The following CNNM2 variants were observed in gnomAD, a reference collection of about 807,000 sequenced individuals.
CNNM2 encodes the protein metal transporter CNNM2.
Under a neutral mutation model 66.9 loss-of-function variants are expected in CNNM2, and 12 were observed. That is an observed-to-expected ratio of 0.18 (90% CI 0.11 to 0.29). CNNM2 has a LOEUF of 0.29. Ranked by LOEUF, CNNM2 falls within the 10% of genes least tolerant of loss-of-function variation. CNNM2 has a pLI of 1.00. For missense variants in CNNM2, 705 were observed against 1,167.7 expected, an observed-to-expected ratio of 0.60 and a Z score of 5.77; for synonymous variants, 557 against 501.8, an observed-to-expected ratio of 1.11 and a Z score of -1.47.
intron 1 of CNNM2, among the ~76,000 whole-genome samples, chr10:102,968,489 C>T (rs2063499647): frequency 6.6e-6 from 1 of 152,164 alleles, no homozygotes; most frequent in South Asian, 2.1e-4. Flanking sequence ...TTGTGATCTG[C>T]CCGCCTTGGC....
At chr10:103,033,373 G>C (rs1474986948) in intron 1 of CNNM2, among the ~76,000 whole-genome samples, 1 of 151,894 alleles carries the variant, frequency 6.6e-6, no homozygotes, top group Non-Finnish European at 1.5e-5. Context: ...GTATTTTTTA[G>C]TAGAGACGGG....
At chr10:102,961,813 C>T (rs1226266629) in intron 1 of CNNM2, among the ~76,000 whole-genome samples, 2 of 151,904 alleles carry the variant, frequency 1.3e-5, no homozygotes, top group South Asian at 4.1e-4. Flanking sequence ...GTAATCCCAG[C>T]AGTTTGAGAG....
intron 1 of CNNM2, among the ~76,000 whole-genome samples, chr10:102,950,064 A>AC (rs1327841960): frequency 1.3e-5 from 2 of 152,242 alleles, no homozygotes; most frequent in African/African-American, 4.8e-5. Flanking sequence ...TTCCAGCATG[A>AC]CAGCTCCTGT....
intron 1 of CNNM2, among the ~76,000 whole-genome samples, chr10:103,026,570 T>C (rs933856432): frequency 1.5e-5 from 2 of 130,560 alleles, no homozygotes; most frequent in African/African-American, 6.0e-5. Context: ...CACTGCACTC[T>C]AGCCTTAGGG....
intron 1 of CNNM2, among the ~76,000 whole-genome samples, chr10:103,026,601 CAAAAAAAAAAAAAA>C (rs887780071): frequency 7.7e-5 from 5 of 64,918 alleles, no homozygotes; most frequent in East Asian, 9.3e-4. Flanking sequence ...ACCTTGTCTT[CAAAAAAAAAAAAAA>C]AAAAAAAAAA....
At position 102,949,403 on chromosome 10, in the gene CNNM2, G is replaced by A. The variant is rs71496552; in HGVS notation, c.1621+29302G>A. Among the ~76,000 whole-genome samples the A allele has an allele frequency of 0.11, 15,963 of 149,756 alleles. 1,093 individuals carry two copies. Among genetic ancestry groups the A allele is most frequent in the East Asian group, 0.15 (705 of 4,720 alleles). ...TTGGTCAGGCTGATCTTGAACTCCC[G>A]ACCTCAGGTAATCCGCCTGCCTCAG... On this transcript the variant is annotated intron_variant, in intron 1 of 7. Transcript: ENST00000369878.
intron 1 of CNNM2, among the ~76,000 whole-genome samples, chr10:102,989,870 C>T (rs558664188): frequency 6.6e-6 from 1 of 151,780 alleles, no homozygotes; most frequent in Admixed American, 6.6e-5. Context: ...GCTTCTAGTT[C>T]TTTAAAGATG....
chr10:103,066,062 C>T (rs749880265), intron 4 of CNNM2, among the ~76,000 whole-genome samples: 3 of 152,168 alleles, frequency 2.0e-5, no homozygotes, highest in Admixed American at 6.5e-5. Context: ...CAGCCCCCAG[C>T]GGCCTGTGGT....
intron 1 of CNNM2, among the ~76,000 whole-genome samples, chr10:102,950,896 C>T (rs372585235): frequency 1.3e-5 from 2 of 151,216 alleles, no homozygotes; most frequent in East Asian, 1.9e-4. Context: ...ATATCTCTAT[C>T]TTTAAGTGAG....
intron 1 of CNNM2, among the ~76,000 whole-genome samples, chr10:102,938,887 C>T (rs1846334605): frequency 6.6e-6 from 1 of 151,966 alleles, no homozygotes; most frequent in Non-Finnish European, 1.5e-5. Flanking sequence ...TAATGCTTTC[C>T]TCTGAAATAT....
intron 1 of CNNM2, among the ~76,000 whole-genome samples, chr10:102,993,698 C>T (rs981328232): frequency 2.6e-5 from 4 of 152,052 alleles, no homozygotes; most frequent in Non-Finnish European, 4.4e-5. Flanking sequence ...AATTTCTTGA[C>T]TTAAAGGTTT....
At chr10:103,017,768 C>T (rs1193089918) in intron 1 of CNNM2, among the ~76,000 whole-genome samples, 3 of 151,822 alleles carry the variant, frequency 2.0e-5, no homozygotes, top group African/African-American at 7.3e-5. Flanking sequence ...GAATTCAAGA[C>T]CAACCTGGCC....
At chr10:103,072,471 C>A (rs1276716585) in intron 6 of CNNM2, among the ~76,000 whole-genome samples, 3 of 149,390 alleles carry the variant, frequency 2.0e-5, no homozygotes, top group Non-Finnish European at 4.4e-5. Flanking sequence ...AGGCAGGCGA[C>A]CCCGCTTCTC....
At chr10:102,927,458 G>A in intron 1 of CNNM2, 2 of 1,606,120 alleles carry the variant, frequency 1.2e-6, no homozygotes, top group Non-Finnish European at 8.5e-7. Flanking sequence ...TATACAGAGG[G>A]ATAAAAAGGG....
At position 103,054,310 on chromosome 10, in the gene CNNM2, CTTT is replaced by C. The variant is rs1564863194; in HGVS notation, c.1766-17_1766-15del. On this transcript the variant is annotated splice_polypyrimidine_tract_variant and intron_variant, in intron 2 of 7. Coordinates refer to ENST00000369878, the MANE Select transcript of CNNM2 (RefSeq NM_017649.5). This position sits in a 1 kb window ranked among gnomAD's most constrained non-coding sequence, Gnocchi z 5.2. ...GGGATGCATTTCTTTTTTTTTCTCT[CTTT>C]TAATTCCTCCCTTAGCTGACAACAG... The C allele has an allele frequency of 6.2e-6, 10 of 1,605,990 alleles. No homozygotes were observed. The highest frequency in any genetic ancestry group is 1.1e-5 in the South Asian group (1 of 89,670).
chr10:103,001,664 C>T (rs913350753), intron 1 of CNNM2, among the ~76,000 whole-genome samples: 9 of 152,062 alleles, frequency 5.9e-5, no homozygotes, highest in African/African-American at 2.2e-4. Flanking sequence ...ATATCCTACA[C>T]AAAAATGAAC....
chr10:102,981,128 G>A (rs917721064), intron 1 of CNNM2, among the ~76,000 whole-genome samples: 1 of 151,936 alleles, frequency 6.6e-6, no homozygotes, highest in African/African-American at 2.4e-5. Flanking sequence ...ACAGGTGATC[G>A]CTTGAGTCCA....
In CNNM2 at chr10:103,034,987, A is replaced by AAAAT. The variant is rs542426899; in HGVS notation, c.1622-14719_1622-14716dup. Among the ~76,000 whole-genome samples, 10,377 of 147,658 alleles carry AAAAT rather than the reference A, an allele frequency of 0.07. 881 individuals carry two copies. Among genetic ancestry groups the AAAAT allele is most frequent in the East Asian group, 0.26 (1,276 of 4,886 alleles). ...GACTCCGTCTCAAAAAAAAAAAAAA[A>AAAAT]AAATCTCCTACTATTGGCTGGGCAT... On this transcript the variant is annotated intron_variant, in intron 1 of 7. Transcript: ENST00000369878.
intron 1 of CNNM2, among the ~76,000 whole-genome samples, chr10:102,965,951 C>T (rs1375731164): frequency 6.6e-6 from 1 of 152,086 alleles, no homozygotes; most frequent in Non-Finnish European, 1.5e-5. Context: ...GGGTCTTTGT[C>T]ACAGCTGAGT....
Sources: allele counts gnomAD v4.1 joint callset (sites outside exome capture counted in the v4.1 genomes callset), GRCh38; gene constraint gnomAD v4.1.1; non-coding constraint Gnocchi (gnomAD v3.1); transcripts MANE v1.5; gene names NCBI Gene and HGNC (gene_info 2026-07-23, HGNC 2026-07-21).